PPP4R4: variants seen among roughly 807,000 people sequenced by gnomAD.
PPP4R4 encodes protein phosphatase 4 regulatory subunit 4.
In PPP4R4, 70 loss-of-function variants were observed where a neutral mutation model predicts 121.8. The ratio of observed to expected loss-of-function variants is 0.57; its 90% CI spans 0.47 to 0.70. The LOEUF (loss-of-function observed/expected upper bound fraction) is 0.70, where lower values mean the gene tolerates loss of function less well. Among genes scored for constraint, PPP4R4 ranks in the 30% least tolerant of loss-of-function variants. The pLI is 0.00. For synonymous variants in PPP4R4, 348 were observed against 355.7 expected, an observed-to-expected ratio of 0.98 and a Z score of 0.24; for missense variants, 875 against 1,033.6, an observed-to-expected ratio of 0.85 and a Z score of 2.10.
chr14:94,189,979 C>T (rs947977831), intron 2 of PPP4R4, among the ~76,000 whole-genome samples: 3 of 151,888 alleles, frequency 2.0e-5, no homozygotes, highest in African/African-American at 7.3e-5. Flanking sequence ...TTAATTGGGT[C>T]TCTTCTCCTT....
At chr14:94,261,056 C>A in intron 19 of PPP4R4, among the ~76,000 whole-genome samples, 1 of 151,918 alleles carries the variant, frequency 6.6e-6, no homozygotes, top group Non-Finnish European at 1.5e-5. Context: ...CTTCTTTTCC[C>A]CATTGAATTG....
intron 3 of PPP4R4, among the ~76,000 whole-genome samples, chr14:94,218,737 C>T (rs536937006): frequency 1.7e-5 from 2 of 120,276 alleles, no homozygotes; most frequent in South Asian, 2.8e-4. Context: ...ACCGCACGTG[C>T]GCGCGCGCAC....
chr14:94,195,049 A>G (rs1791930854), intron 2 of PPP4R4, among the ~76,000 whole-genome samples: 1 of 152,222 alleles, frequency 6.6e-6, no homozygotes, highest in Non-Finnish European at 1.5e-5. Flanking sequence ...CAGGACTAAC[A>G]GAAGTTGTGA....
At chr14:94,193,644 A>G (rs1889717911) in intron 2 of PPP4R4, among the ~76,000 whole-genome samples, 2 of 152,144 alleles carry the variant, frequency 1.3e-5, no homozygotes, top group South Asian at 4.1e-4. Flanking sequence ...AACTAGGAAG[A>G]ATGTTAGGTA....
At chr14:94,231,786 C>T (rs1020924925) in intron 5 of PPP4R4, among the ~76,000 whole-genome samples, 4 of 152,050 alleles carry the variant, frequency 2.6e-5, no homozygotes, top group South Asian at 4.1e-4. Context: ...TTAATTGTAG[C>T]TTTCAAACAG....
intron 2 of PPP4R4, among the ~76,000 whole-genome samples, chr14:94,191,505 C>G (rs938745036): frequency 9.9e-5 from 15 of 152,090 alleles, no homozygotes; most frequent in African/African-American, 3.4e-4. Flanking sequence ...TGTGAACATT[C>G]AGAATTCTCT....
intron 3 of PPP4R4, among the ~76,000 whole-genome samples, chr14:94,222,142 A>C (rs1269250478): frequency 6.6e-6 from 1 of 152,008 alleles, no homozygotes; most frequent in Admixed American, 6.5e-5. Flanking sequence ...TTTAATTAGA[A>C]TATTTTTCCC....
chr14:94,195,960 G>A (rs999685243), intron 2 of PPP4R4, among the ~76,000 whole-genome samples: 4 of 151,906 alleles, frequency 2.6e-5, no homozygotes, highest in Non-Finnish European at 4.4e-5. Context: ...TCACCCTATA[G>A]ACTAGTATTA....
At chr14:94,211,886 C>A (rs573616001) in intron 3 of PPP4R4, among the ~76,000 whole-genome samples, 7 of 152,248 alleles carry the variant, frequency 4.6e-5, no homozygotes, top group African/African-American at 1.7e-4. Context: ...CTGGCTTGAC[C>A]ATGCATATGG....
rs117649194 is a variant in PPP4R4, at chr14:94,225,729, G to C, written c.295-4858G>C. ...TCTTTGACTTCTTTCCAGTTTCCCA[G>C]AATACGTAGTATGATGCTGGGACTT... is the stretch of plus-strand genomic sequence containing the variant. On this transcript the variant is annotated intron_variant, in intron 3 of 24. Coordinates refer to ENST00000304338, the MANE Select transcript of PPP4R4 (RefSeq NM_058237.2). 2.6e-5 allele frequency among the ~76,000 whole-genome samples: 4 copies of C among 152,216 alleles called. No homozygotes were observed. The East Asian group carries it at 7.7e-4, about 29-fold the overall frequency.
chr14:94,243,446 T>A (rs189621763), intron 11 of PPP4R4, among the ~76,000 whole-genome samples: 155 of 152,288 alleles, frequency 1.0e-3, no homozygotes, highest in African/African-American at 3.5e-3. Context: ...TGTCCACATG[T>A]ACTTGTTAGA....
At chr14:94,249,699 C>G (rs1452459275) in intron 14 of PPP4R4, among the ~76,000 whole-genome samples, 1 of 151,968 alleles carries the variant, frequency 6.6e-6, no homozygotes, top group African/African-American at 2.4e-5. Context: ...TAAATGTCAT[C>G]TGTATCATGA....
Position 94,263,289 on chromosome 14 carries a change from G to A in PPP4R4, c.2128-1589G>A, listed in dbSNP as rs74074188. Among the ~76,000 whole-genome samples, 464 of 152,024 alleles carry A rather than the reference G, an allele frequency of 3.1e-3. 2 individuals carry two copies. Among genetic ancestry groups the A allele is most frequent in the African/African-American group, 0.011 (449 of 41,500 alleles). ...TTTATTATTGTCCGTAGGCCAAGAGGCTTTGTTCTTTCTCAATTTTTAAAA... is the reference window on the plus strand; with the variant it reads ...TTTATTATTGTCCGTAGGCCAAGAGACTTTGTTCTTTCTCAATTTTTAAAA... On this transcript the variant is annotated intron_variant, in intron 19 of 24. Transcript: ENST00000304338.
intron 2 of PPP4R4, among the ~76,000 whole-genome samples, chr14:94,180,681 G>T (rs1241683966): frequency 2.7e-5 from 4 of 150,574 alleles, no homozygotes; most frequent in Non-Finnish European, 4.4e-5. Context: ...CTATTCACAG[G>T]CACGGTCACA....
chr14:94,207,881 T>C (rs1247756204), intron 2 of PPP4R4, among the ~76,000 whole-genome samples: 3 of 151,928 alleles, frequency 2.0e-5, no homozygotes, highest in Non-Finnish European at 4.4e-5. Context: ...GATAACTCCT[T>C]AATGAATGTT....
At chr14:94,232,057 G>T (rs1892068121) in intron 5 of PPP4R4, among the ~76,000 whole-genome samples, 1 of 151,514 alleles carries the variant, frequency 6.6e-6, no homozygotes, top group Non-Finnish European at 1.5e-5. Context: ...ACCTATTATG[G>T]TTGCCAATTC....
At chr14:94,232,214 A>C (rs1892076604) in intron 5 of PPP4R4, among the ~76,000 whole-genome samples, 1 of 152,222 alleles carries the variant, frequency 6.6e-6, no homozygotes, top group Non-Finnish European at 1.5e-5. Context: ...TAATGAAAAG[A>C]TTTTGTATTC....
At chr14:94,276,286 A>C (rs186733361) in intron 24 of PPP4R4, among the ~76,000 whole-genome samples, 187 of 152,324 alleles carry the variant, frequency 1.2e-3, no homozygotes, top group African/African-American at 4.3e-3. Flanking sequence ...GGCATTTTTG[A>C]ATAAAGTTTC....
At chr14:94,269,473 G>A (rs1248529215) in intron 23 of PPP4R4, among the ~76,000 whole-genome samples, 1 of 151,592 alleles carries the variant, frequency 6.6e-6, no homozygotes, top group African/African-American at 2.4e-5. Flanking sequence ...CAGGAGATCC[G>A]GATAATCCTG....
Sources: gnomAD v4.1 joint callset for allele counts (sites outside exome capture counted in the v4.1 genomes callset) on GRCh38, gnomAD v4.1.1 for gene constraint, MANE v1.5 for transcripts, NCBI Gene and HGNC (gene_info 2026-07-23, HGNC 2026-07-21) for gene names.